DCUN1D2: variants seen among roughly 807,000 people sequenced by gnomAD.
The protein encoded by DCUN1D2 is defective in cullin neddylation 1 domain containing 2, also known as DCN1-like protein 2.
A neutral mutation model predicts 30.9 loss-of-function variants in DCUN1D2; 29 were observed. That is an observed-to-expected ratio of 0.94 (90% CI 0.70 to 1.28). DCUN1D2 has a LOEUF of 1.28. Among genes scored for constraint, DCUN1D2 ranks in the 50% most tolerant of loss-of-function variants. The pLI, the probability that DCUN1D2 is intolerant of heterozygous loss-of-function variation, is 0.00. For synonymous variants in DCUN1D2, 121 were observed against 115.3 expected (o/e 1.05, Z -0.32); for missense variants, 325 against 316.9 (o/e 1.03, Z -0.19).
chr13:113,461,955 T>A (rs2044325211), intron 4 of DCUN1D2, among the ~76,000 whole-genome samples: 1 of 152,186 alleles, frequency 6.6e-6, no homozygotes, highest in Admixed American at 6.5e-5. Flanking sequence ...CAGAATTCTA[T>A]TTTTTTAAAG....
intron 4 of DCUN1D2, among the ~76,000 whole-genome samples, chr13:113,469,174 A>ACACG (rs57334468): frequency 1.1e-4 from 17 of 150,504 alleles, no homozygotes; most frequent in Non-Finnish European, 2.4e-4. Context: ...ACACACACAC[A>ACACG]GCCAAGAGGG....
upstream of DCUN1D2, chr13:113,490,767 G>T: frequency 3.6e-6 from 4 of 1,100,234 alleles, no homozygotes; most frequent in Non-Finnish European, 4.5e-6. This position sits in a 1 kb window ranked among gnomAD's most constrained non-coding sequence, Gnocchi z 5.2. Context: ...CCTCGGCTCC[G>T]GGGCAGTGCC....
At position 113,472,905 on chromosome 13, in the gene DCUN1D2, G is replaced by C. The variant is rs567056612; in HGVS notation, c.520+1219C>G. 2.0e-3 allele frequency among the ~76,000 whole-genome samples: 308 copies of C among 152,264 alleles called. 1 individual carries two copies. The highest frequency in any genetic ancestry group is 7.2e-3 in the African/African-American group (301 of 41,542). ...CAGTGTGGGGCCGAGACGCGTCTCA[G>C]CACCTGTTCTCTCTCACCAGCCCCG... On this transcript the variant is annotated intron_variant, in intron 4 of 6. Coordinates refer to ENST00000478244, the MANE Select transcript of DCUN1D2 (RefSeq NM_001014283.2).
chr13:113,482,852 A>C (rs1017859291), intron 2 of DCUN1D2, among the ~76,000 whole-genome samples: 6 of 152,182 alleles, frequency 3.9e-5, no homozygotes, highest in Admixed American at 1.3e-4. Flanking sequence ...CTGAGGCAGG[A>C]GAATCGCTTG....
chr13:113,459,047 C>T (rs540788139), intron 6 of DCUN1D2, among the ~76,000 whole-genome samples: 8 of 152,194 alleles, frequency 5.3e-5, no homozygotes, highest in Non-Finnish European at 1.0e-4. Flanking sequence ...TTTCCCAATA[C>T]CTAACTCCAT....
At chr13:113,459,993 T>C (rs1013641760) in intron 5 of DCUN1D2, among the ~76,000 whole-genome samples, 1 of 152,224 alleles carries the variant, frequency 6.6e-6, no homozygotes, top group African/African-American at 2.4e-5. Flanking sequence ...CTTCATCCCC[T>C]TCTCCACGCA....
chr13:113,469,793 C>A (rs556731380), intron 4 of DCUN1D2, among the ~76,000 whole-genome samples: 3 of 152,246 alleles, frequency 2.0e-5, no homozygotes, highest in African/African-American at 7.2e-5. Flanking sequence ...GAGCTATGAT[C>A]GCGCCACTCC....
At chr13:113,491,317 C>T (rs1374978196), upstream of DCUN1D2, 2 of 152,322 alleles carry the variant, frequency 1.3e-5, no homozygotes, top group Non-Finnish European at 2.9e-5. Context: ...CCCGGGGTCC[C>T]CTTCCTTCCC....
intron 3 of DCUN1D2, 179 bp downstream of exon 3, chr13:113,480,396 A>G (rs1430521409): frequency 4.6e-5 from 22 of 476,782 alleles, no homozygotes; most frequent in Non-Finnish European, 7.0e-5. Flanking sequence ...AAAGTGTTAA[A>G]TTGAAAATTA....
upstream of DCUN1D2, chr13:113,490,777 C>G (rs1379613040): frequency 1.9e-6 from 2 of 1,058,306 alleles, no homozygotes; most frequent in Non-Finnish European, 2.3e-6. The surrounding 1 kb of genome is among the most constrained non-coding windows in gnomAD (Gnocchi z 5.2). Context: ...GGGGCAGTGC[C>G]GGGAGCCGGC....
chr13:113,462,919 A>G, intron 4 of DCUN1D2: 1 of 1,230,078 alleles, frequency 8.1e-7, no homozygotes. Context: ...ATAAAGTTTT[A>G]TGGCACACAT....
chr13:113,478,361 C>A (rs2139725319), intron 3 of DCUN1D2, among the ~76,000 whole-genome samples: 1 of 151,778 alleles, frequency 6.6e-6, no homozygotes, highest in East Asian at 1.9e-4. Context: ...CTTCTGGCAC[C>A]TATTATCTCG....
rs1031003096 is a variant in DCUN1D2 at position 113,490,247 on chromosome 13, CCTTGCGCT to C, written c.3+412_3+419del. 2.0e-5 allele frequency among the ~76,000 whole-genome samples: 3 copies of C among 152,198 alleles called. No individual in the cohort carries two copies. Among genetic ancestry groups the C allele is most frequent in the Admixed American group, 6.5e-5 (1 of 15,282 alleles). On this transcript the variant is annotated intron_variant, in intron 1 of 6. Coordinates refer to ENST00000478244, the MANE Select transcript of DCUN1D2 (RefSeq NM_001014283.2). This position sits in a 1 kb window ranked among gnomAD's most constrained non-coding sequence, Gnocchi z 5.2. Reference sequence around the variant, plus strand: ...AATCTGAGCTTCTCGCGGATTCCTTCCTTGCGCTGTTTTGGTCAACAGCCTCAGCATCT... The same window carrying C: ...AATCTGAGCTTCTCGCGGATTCCTTCGTTTTGGTCAACAGCCTCAGCATCT...
At chr13:113,470,818 GGACCCAACTCCACAGAA>G (rs1299845917) in intron 4 of DCUN1D2, among the ~76,000 whole-genome samples, 2 of 144,622 alleles carry the variant, frequency 1.4e-5, no homozygotes, top group East Asian at 2.1e-4. Context: ...ACTCCACAGG[GGACCCAACTCCACAGAA>G]GACCCAACTC....
chr13:113,490,740 C>T, upstream of DCUN1D2: 2 of 1,162,074 alleles, frequency 1.7e-6, no homozygotes, highest in African/African-American at 1.6e-5. The surrounding 1 kb of genome is among the most constrained non-coding windows in gnomAD (Gnocchi z 5.2). Context: ...CCGCCCTCGT[C>T]CTCGGACGGC....
intron 4 of DCUN1D2, among the ~76,000 whole-genome samples, chr13:113,464,579 C>T (rs1595569469): frequency 6.6e-6 from 1 of 152,258 alleles, no homozygotes; most frequent in Admixed American, 6.5e-5. Context: ...AGGGACGCTG[C>T]GCGTTTCCAG....
chr13:113,480,786 AAAGT>A, intron 2 of DCUN1D2, 43 bp from the exon 3 acceptor site: 1 of 1,604,076 alleles, frequency 6.2e-7, no homozygotes. Context: ...ACTATTTTGA[AAAGT>A]AATTCTAAAA....
intron 1 of DCUN1D2, 79 bp from the exon 2 acceptor site, chr13:113,484,135 T>C: frequency 1.9e-6 from 3 of 1,585,178 alleles, no homozygotes; most frequent in Non-Finnish European, 2.6e-6. Context: ...GCCTGCACTT[T>C]AACTGGGCAG....
rs896755574 is a variant in DCUN1D2 at position 113,488,534 on chromosome 13, C to A, written c.3+2133G>T. The stretch of plus-strand genomic sequence containing the variant: ...AAGCTTCTTAGGAAACAAAAAGGCT[C>A]GTCAACTAAAAAACTACAGGGGAGA... On this transcript the variant is annotated intron_variant, in intron 1 of 6. Coordinates refer to ENST00000478244, the MANE Select transcript of DCUN1D2 (RefSeq NM_001014283.2). This position sits in a 1 kb window ranked among gnomAD's most constrained non-coding sequence, Gnocchi z 4.3. 6.6e-6 allele frequency among the ~76,000 whole-genome samples: 1 copy of A among 152,168 alleles called. No individual in the cohort carries two copies. Among genetic ancestry groups the A allele is most frequent in the African/African-American group, 2.4e-5 (1 of 41,450 alleles).
Sources: allele counts gnomAD v4.1 joint callset (sites outside exome capture counted in the v4.1 genomes callset), GRCh38; gene constraint gnomAD v4.1.1; non-coding constraint Gnocchi (gnomAD v3.1); transcripts MANE v1.5; gene names NCBI Gene and HGNC (gene_info 2026-07-23, HGNC 2026-07-21).